LRMDA: variants seen among roughly 807,000 people sequenced by gnomAD.
LRMDA encodes the protein leucine rich melanocyte differentiation associated, also known as leucine-rich melanocyte differentiation-associated protein.
A neutral mutation model predicts 29.8 loss-of-function variants in LRMDA; 18 were observed. That is an observed-to-expected ratio of 0.60 (90% CI 0.42 to 0.90). The LOEUF (loss-of-function observed/expected upper bound fraction) is 0.90. Among genes scored for constraint, LRMDA ranks in the 40% least tolerant of loss-of-function variants. The pLI is 0.00. For missense variants in LRMDA, 273 were observed against 273.9 expected, an observed-to-expected ratio of 1.00 and a Z score of 0.02; for synonymous variants, 125 against 109.4, an observed-to-expected ratio of 1.14 and a Z score of -0.89.
intron 2 of LRMDA, among the ~76,000 whole-genome samples, chr10:75,867,432 A>G (rs759062163): frequency 2.6e-5 from 4 of 152,152 alleles, no homozygotes; most frequent in Non-Finnish European, 4.4e-5. Flanking sequence ...AAGTGCTGGG[A>G]TTACAGGCAT....
rs1186388140 is a variant in LRMDA at position 75,708,919 on chromosome 10, G to A, written c.131+270425G>A. ...GAAGAATTTTCGTGCTTTTGCTTTT[G>A]TTTTTCCTAACTGGTAAAAGAACTT... On this transcript the variant is annotated intron_variant, in intron 2 of 6. Transcript: ENST00000611255. Among the ~76,000 whole-genome samples the A allele has an allele frequency of 2.0e-5, 3 of 152,106 alleles. No homozygotes were observed. The East Asian group carries it at 5.8e-4, about 29-fold the overall frequency.
At chr10:75,594,453 C>T (rs1840761539) in intron 2 of LRMDA, among the ~76,000 whole-genome samples, 1 of 152,194 alleles carries the variant, frequency 6.6e-6, no homozygotes, top group Non-Finnish European at 1.5e-5. Flanking sequence ...AAGAACTTCA[C>T]AGGTATATTT....
intron 6 of LRMDA, among the ~76,000 whole-genome samples, chr10:76,370,820 G>A (rs1370477156): frequency 6.6e-6 from 1 of 152,096 alleles, no homozygotes; most frequent in Non-Finnish European, 1.5e-5. Context: ...TAGTAAATTT[G>A]AAAAATTGTA....
chr10:76,172,039 C>T (rs142205263), intron 5 of LRMDA, among the ~76,000 whole-genome samples: 36 of 152,182 alleles, frequency 2.4e-4, no homozygotes, highest in African/African-American at 7.9e-4. Flanking sequence ...AGATCACATG[C>T]GAGAGAGGAA....
chr10:76,545,169 G>GT (rs1448060056), intron 6 of LRMDA, among the ~76,000 whole-genome samples: 2 of 101,748 alleles, frequency 2.0e-5, no homozygotes, highest in Non-Finnish European at 3.8e-5. Context: ...CTTTTTTTTT[G>GT]TTTTTTATTT....
At chr10:76,181,525 A>G (rs1344940882) in intron 5 of LRMDA, among the ~76,000 whole-genome samples, 3 of 152,150 alleles carry the variant, frequency 2.0e-5, no homozygotes, top group Admixed American at 6.5e-5. Flanking sequence ...GGAAGAGTAC[A>G]TTTATTTGGA....
At chr10:76,369,905 C>T (rs183938433) in intron 6 of LRMDA, among the ~76,000 whole-genome samples, 20 of 152,056 alleles carry the variant, frequency 1.3e-4, no homozygotes, top group African/African-American at 2.9e-4. Flanking sequence ...ATCCCATCTA[C>T]GAGATGACAA....
chr10:75,959,117 G>C (rs1348019809), intron 2 of LRMDA, among the ~76,000 whole-genome samples: 1 of 152,202 alleles, frequency 6.6e-6, no homozygotes, highest in African/African-American at 2.4e-5. Flanking sequence ...CGCCTTAAGA[G>C]TAAGTGGCAG....
intron 6 of LRMDA, among the ~76,000 whole-genome samples, chr10:76,381,488 C>T (rs1193290553): frequency 6.6e-6 from 1 of 151,910 alleles, no homozygotes; most frequent in African/African-American, 2.4e-5. Context: ...ATAATTGTGC[C>T]CTGTATTTAC....
intron 6 of LRMDA, among the ~76,000 whole-genome samples, chr10:76,419,680 G>C (rs1464916053): frequency 6.6e-6 from 1 of 152,000 alleles, no homozygotes; most frequent in Non-Finnish European, 1.5e-5. Context: ...ATTCCCACCA[G>C]CAGTTATTGA....
chr10:75,842,119 T>C (rs1003341343), intron 2 of LRMDA, among the ~76,000 whole-genome samples: 2 of 152,382 alleles, frequency 1.3e-5, no homozygotes, highest in East Asian at 1.9e-4. Flanking sequence ...TGGCAAACTA[T>C]GGTCTGCTGC....
chr10:75,637,754 C>T (rs1841405584), intron 2 of LRMDA, among the ~76,000 whole-genome samples: 1 of 152,220 alleles, frequency 6.6e-6, no homozygotes, highest in African/African-American at 2.4e-5. Context: ...TGCCTCCCCT[C>T]TGGGTCTCAG....
chr10:75,881,610 C>G (rs1845295073), intron 2 of LRMDA, among the ~76,000 whole-genome samples: 1 of 152,166 alleles, frequency 6.6e-6, no homozygotes, highest in African/African-American at 2.4e-5. Flanking sequence ...ACTTTAGCCT[C>G]TGATTCGTTG....
chr10:75,453,235 C>T lies in LRMDA; in HGVS notation c.131+14741C>T, dbSNP rs112041612. On this transcript the variant is annotated intron_variant, in intron 2 of 6. Transcript: ENST00000611255. ...GAAAATGTGTGAAGAAGAGCTCTGG[C>T]GGTTGACCTTTGTCCAAATGTGGCA... 3.7e-3 allele frequency among the ~76,000 whole-genome samples: 569 copies of T among 152,334 alleles called. 2 individuals are homozygous for T. The highest frequency in any genetic ancestry group is 6.3e-3 in the Non-Finnish European group (430 of 68,028).
chr10:76,050,060 G>A (rs190417847), intron 4 of LRMDA, among the ~76,000 whole-genome samples: 38 of 152,252 alleles, frequency 2.5e-4, no homozygotes, highest in African/African-American at 8.7e-4. Context: ...TTATTGATTG[G>A]CATCCTCTGT....
At chr10:76,185,647 G>A (rs1291822333) in intron 5 of LRMDA, among the ~76,000 whole-genome samples, 1 of 152,130 alleles carries the variant, frequency 6.6e-6, no homozygotes, top group African/African-American at 2.4e-5. Flanking sequence ...TGAAAGCGTT[G>A]GTGTCCTCTT....
At chr10:76,482,601 A>C (rs999210704) in intron 6 of LRMDA, among the ~76,000 whole-genome samples, 15 of 151,938 alleles carry the variant, frequency 9.9e-5, no homozygotes, top group African/African-American at 3.6e-4. Context: ...TTGATGATGG[A>C]CATTTGATTT....
intron 5 of LRMDA, among the ~76,000 whole-genome samples, chr10:76,124,349 C>A (rs1849841427): frequency 6.6e-6 from 1 of 152,186 alleles, no homozygotes; most frequent in South Asian, 2.1e-4. Flanking sequence ...GATAACAGTC[C>A]TTGCCAAGTG....
At chr10:76,223,362 C>T (rs1028106230) in intron 5 of LRMDA, among the ~76,000 whole-genome samples, 3 of 152,104 alleles carry the variant, frequency 2.0e-5, no homozygotes, top group African/African-American at 7.2e-5. Flanking sequence ...CTGGTCCAGC[C>T]ATTTCTTGTA....
Sources: gnomAD v4.1 joint callset for allele counts (sites outside exome capture counted in the v4.1 genomes callset) on GRCh38, gnomAD v4.1.1 for gene constraint, MANE v1.5 for transcripts, NCBI Gene and HGNC (gene_info 2026-07-23, HGNC 2026-07-21) for gene names.